SPOCK1: variants seen among roughly 807,000 people sequenced by gnomAD.
SPOCK1 encodes the protein testican-1.
In SPOCK1, 23 loss-of-function variants were observed where a neutral mutation model predicts 55.3. The observed-to-expected ratio is 0.42, with a 90% confidence interval of 0.30 to 0.59. The LOEUF (loss-of-function observed/expected upper bound fraction) is 0.59, where lower values mean the gene tolerates loss of function less well. Ranked by LOEUF, SPOCK1 falls within the 20% of genes least tolerant of loss-of-function variation. The pLI, the probability that SPOCK1 is intolerant of heterozygous loss-of-function variation, is 0.22. For missense variants in SPOCK1, 499 were observed against 552.5 expected, an observed-to-expected ratio of 0.90 and a Z score of 0.97; for synonymous variants, 226 against 221.0, an observed-to-expected ratio of 1.02 and a Z score of -0.20.
intron 2 of SPOCK1, among the ~76,000 whole-genome samples, chr5:137,353,121 T>C (rs890446043): frequency 2.0e-5 from 3 of 152,138 alleles, no homozygotes; most frequent in Admixed American, 2.0e-4. Context: ...GGCTCACTCC[T>C]GTAATCTCAG....
intron 4 of SPOCK1, among the ~76,000 whole-genome samples, chr5:137,135,318 C>T (rs778017728): frequency 1.6e-4 from 24 of 152,124 alleles, no homozygotes; most frequent in Admixed American, 3.9e-4. Flanking sequence ...CTCTGCCCCA[C>T]GATCTCCCAC....
At chr5:137,235,478 T>C (rs949520322) in intron 3 of SPOCK1, among the ~76,000 whole-genome samples, 1 of 152,220 alleles carries the variant, frequency 6.6e-6, no homozygotes, top group Non-Finnish European at 1.5e-5. Flanking sequence ...ATACCAATGA[T>C]CACAAGTGCT....
At chr5:137,365,854 A>C (rs987931613) in intron 2 of SPOCK1, among the ~76,000 whole-genome samples, 4 of 152,168 alleles carry the variant, frequency 2.6e-5, no homozygotes, top group African/African-American at 7.2e-5. Flanking sequence ...TGTTTTTGTA[A>C]CTCAACTTAC....
At chr5:137,147,792 T>C (rs752078639) in intron 3 of SPOCK1, among the ~76,000 whole-genome samples, 16 of 152,202 alleles carry the variant, frequency 1.1e-4, no homozygotes, top group Non-Finnish European at 2.1e-4. Context: ...AGGGAAATGG[T>C]TTAGTTAATA....
intron 2 of SPOCK1, among the ~76,000 whole-genome samples, chr5:137,424,346 A>G (rs1341456385): frequency 6.6e-6 from 1 of 152,198 alleles, no homozygotes; most frequent in African/African-American, 2.4e-5. Flanking sequence ...ATGCCACTGC[A>G]CTCCAGCCTG....
rs188228197 is a variant in SPOCK1, at chr5:137,471,790, A to C, written c.186+26583T>G. Among the ~76,000 whole-genome samples, 138 of 152,296 alleles carry C rather than the reference A, an allele frequency of 9.1e-4. 2 individuals carry two copies. Among genetic ancestry groups the C allele is most frequent in the Non-Finnish European group, 2.4e-4 (16 of 68,018 alleles). The stretch of plus-strand genomic sequence containing the variant: ...CAGAAAAGGAGCATCTCCCAAGAGC[A>C]GGAGGAACCCCATCACTCCCTCCAC... On this transcript the variant is annotated intron_variant, in intron 2 of 10. Coordinates refer to ENST00000394945, the MANE Select transcript of SPOCK1 (RefSeq NM_004598.4).
At chr5:137,446,772 CA>C (rs1258411020) in intron 2 of SPOCK1, among the ~76,000 whole-genome samples, 1 of 152,160 alleles carries the variant, frequency 6.6e-6, no homozygotes, top group African/African-American at 2.4e-5. Context: ...TTTCATCTTG[CA>C]AAACTGAAAC....
chr5:137,081,160 T>C (rs1752872374), intron 5 of SPOCK1, among the ~76,000 whole-genome samples: 1 of 152,226 alleles, frequency 6.6e-6, no homozygotes, highest in African/African-American at 2.4e-5. Context: ...TCTGTGTTTC[T>C]TTGTCATAAC....
chr5:137,442,016 C>T (rs945667375), intron 2 of SPOCK1, among the ~76,000 whole-genome samples: 1 of 152,152 alleles, frequency 6.6e-6, no homozygotes, highest in African/African-American at 2.4e-5. Flanking sequence ...AAACAACCTC[C>T]TTCCACTTCT....
At chr5:137,475,764 G>A (rs182086956) in intron 2 of SPOCK1, among the ~76,000 whole-genome samples, 28 of 151,936 alleles carry the variant, frequency 1.8e-4, no homozygotes, top group African/African-American at 6.0e-4. Flanking sequence ...TGTAAAGATG[G>A]GGGTCTCATT....
intron 3 of SPOCK1, among the ~76,000 whole-genome samples, chr5:137,227,347 C>T (rs1019586683): frequency 3.3e-5 from 5 of 152,132 alleles, no homozygotes; most frequent in East Asian, 1.9e-4. Flanking sequence ...TGAGGTACTA[C>T]GTTCTAGGTG....
At chr5:137,183,493 C>T (rs1278030604) in intron 3 of SPOCK1, among the ~76,000 whole-genome samples, 1 of 152,154 alleles carries the variant, frequency 6.6e-6, no homozygotes, top group Non-Finnish European at 1.5e-5. Context: ...TTCTCAAATC[C>T]AACTTCACAA....
At chr5:137,301,190 C>T (rs1193229029) in intron 2 of SPOCK1, among the ~76,000 whole-genome samples, 1 of 152,208 alleles carries the variant, frequency 6.6e-6, no homozygotes, top group Non-Finnish European at 1.5e-5. Flanking sequence ...GAGGGACCTC[C>T]TCCACCTTCC....
Position 137,302,579 on chromosome 5 carries a change from AAAATAAATAAATAAAT to A in SPOCK1, c.187-35540_187-35525del, listed in dbSNP as rs56375242. On this transcript the variant is annotated intron_variant, in intron 2 of 10. Coordinates refer to ENST00000394945, the MANE Select transcript of SPOCK1 (RefSeq NM_004598.4). The stretch of plus-strand genomic sequence containing the variant: ...GCAACAGAGTGAGACTCCATCTCAA[AAAATAAATAAATAAAT>A]AAATAAATAAATAAATAAATAAATA... Among the ~76,000 whole-genome samples, 1,330 of 141,204 alleles carry A rather than the reference AAAATAAATAAATAAAT, an allele frequency of 9.4e-3. 24 individuals carry two copies. Among genetic ancestry groups the A allele is most frequent in the African/African-American group, 0.032 (1,216 of 38,386 alleles). 92.6% of individuals were successfully genotyped at this position (141,204 alleles called of 152,430 possible). A position where few individuals can be genotyped will look rare whatever the true frequency, so the allele number is the denominator to read the frequency against.
At chr5:137,167,226 G>T (rs1754664787) in intron 3 of SPOCK1, among the ~76,000 whole-genome samples, 1 of 151,928 alleles carries the variant, frequency 6.6e-6, no homozygotes, top group Admixed American at 6.6e-5. Flanking sequence ...GACCAAGAAG[G>T]TCATTATATA....
At chr5:137,093,165 T>C (rs1419891212) in intron 5 of SPOCK1, among the ~76,000 whole-genome samples, 1 of 152,240 alleles carries the variant, frequency 6.6e-6, no homozygotes, top group Admixed American at 6.5e-5. Flanking sequence ...ATATGTGTTT[T>C]AGAGGGGACA....
intron 3 of SPOCK1, among the ~76,000 whole-genome samples, chr5:137,159,987 A>G (rs1003570707): frequency 6.6e-6 from 1 of 152,016 alleles, no homozygotes; most frequent in African/African-American, 2.4e-5. Context: ...TCCATAAGTT[A>G]TTGAGGGACT....
chr5:137,467,906 A>G (rs917310705), intron 2 of SPOCK1, among the ~76,000 whole-genome samples: 3 of 152,230 alleles, frequency 2.0e-5, no homozygotes, highest in Admixed American at 1.3e-4. Flanking sequence ...AATGTACTTC[A>G]GGCAAATTGA....
intron 6 of SPOCK1, among the ~76,000 whole-genome samples, chr5:137,065,371 C>T (rs570574980): frequency 1.3e-4 from 20 of 152,222 alleles, no homozygotes; most frequent in African/African-American, 4.3e-4. Context: ...CTCATGCTTA[C>T]GTGAAAACTT....
Sources: allele counts gnomAD v4.1 joint callset (sites outside exome capture counted in the v4.1 genomes callset), GRCh38; gene constraint gnomAD v4.1.1; transcripts MANE v1.5; gene names NCBI Gene and HGNC (gene_info 2026-07-23, HGNC 2026-07-21).